PSAP: variants seen among roughly 807,000 people sequenced by gnomAD.
PSAP encodes the protein prosaposin, also known as precursor of saposins.
A neutral mutation model predicts 66.0 loss-of-function variants in PSAP; 25 were observed. The observed-to-expected ratio is 0.38, with a 90% confidence interval of 0.28 to 0.53. PSAP has a LOEUF of 0.53. Ranked by LOEUF, PSAP falls within the 20% of genes least tolerant of loss-of-function variation. The pLI is 0.83. For synonymous variants in PSAP, 273 were observed against 258.9 expected (o/e 1.05, Z -0.52); for missense variants, 649 against 668.8 (o/e 0.97, Z 0.33).
At chr10:71,818,991 A>AC in intron 12 of PSAP, 40 bp downstream of exon 12, 1 of 1,571,476 alleles carries the variant, frequency 6.4e-7, no homozygotes, top group Non-Finnish European at 8.8e-7. Context: ...CCCCCAGGTT[A>AC]CAGCTGCCCG....
Position 71,831,890 on chromosome 10 carries a change from C to G in PSAP, c.205G>C (p.Val69Leu), listed in dbSNP as rs1290075693. The G allele has an allele frequency of 6.2e-7, 1 of 1,614,032 alleles. No individual in the cohort carries two copies. The highest frequency in any genetic ancestry group is 2.2e-5 in the East Asian group (1 of 44,884). Residue 69 changes from valine (V) to leucine (L), a missense_variant, in exon 3 of 14, where the codon GTT (valine) becomes CTT (leucine). Physicochemically the swap from Val to Leu is conservative, Grantham distance 32. Transcript: ENST00000394936. ...KSLPCDICKDVVTAAGDMLKD... is the reference protein window; with the variant it reads ...KSLPCDICKDLVTAAGDMLKD... ...AGCATATCACCAGCTGCGGTGACAA[C>G]GTCTTTGCATATGTCGCAGGGAAGG...
chr10:71,844,420 C>T (rs1231034100), intron 1 of PSAP, among the ~76,000 whole-genome samples: 1 of 152,212 alleles, frequency 6.6e-6, no homozygotes, highest in Non-Finnish European at 1.5e-5. Flanking sequence ...AATCCCAGCA[C>T]TTTGGGGGGC....
intron 1 of PSAP, among the ~76,000 whole-genome samples, chr10:71,846,456 G>T (rs1260856374): frequency 6.8e-6 from 1 of 147,666 alleles, no homozygotes; most frequent in Admixed American, 6.8e-5. Context: ...CAGGTGCGGC[G>T]ACTCACGCCT....
intron 1 of PSAP, among the ~76,000 whole-genome samples, chr10:71,844,465 A>G (rs1389281515): frequency 6.6e-6 from 1 of 152,182 alleles, no homozygotes; most frequent in East Asian, 1.9e-4. Context: ...CAGGAGTTTG[A>G]GACCAGCCTG....
chr10:71,838,207 T>C (rs1257541868), intron 1 of PSAP, among the ~76,000 whole-genome samples: 2 of 151,624 alleles, frequency 1.3e-5, no homozygotes, highest in Non-Finnish European at 2.9e-5. Flanking sequence ...TAACACAGAG[T>C]CCAAGAGAAC....
rs578147125 is a variant in PSAP at position 71,828,798 on chromosome 10, C to G, written c.576+79G>C. The G allele has an allele frequency of 2.0e-6, 3 of 1,504,870 alleles. No homozygotes were observed. In the Admixed American group the frequency reaches 5.4e-5, roughly 27 times the overall value. The allele number at this position is 1,504,870 out of a possible 1,614,324, so 93.2% of individuals were successfully genotyped here. On this transcript the variant is annotated intron_variant, in intron 5 of 13. Coordinates refer to ENST00000394936, the MANE Select transcript of PSAP (RefSeq NM_002778.4). ...GATAAGCCCCAGTTTAAGAACCACA[C>G]GTGCCCTCTCTGTCCCTTTGGTCTC...
chr10:71,851,086 A>T, intron 1 of PSAP, 96 bp downstream of exon 1: 1 of 1,400,746 alleles, frequency 7.1e-7, no homozygotes, highest in Non-Finnish European at 9.9e-7. Context: ...CAACTAGGGC[A>T]GGGGGAGCAG....
chr10:71,825,294 G>GC (rs2133039744), intron 7 of PSAP, among the ~76,000 whole-genome samples: 1 of 152,334 alleles, frequency 6.6e-6, no homozygotes. Flanking sequence ...AGGCCGCCCT[G>GC]CTCTGCGTGG....
rs80071598 is a variant in PSAP, at chr10:71,828,213, C to T, written c.577-56G>A. 7.1e-3 allele frequency: 11,298 copies of T among 1,592,888 alleles called. 719 individuals are homozygous for T. The African/African-American group carries it at 0.13, about 19-fold the overall frequency. The stretch of plus-strand genomic sequence containing the variant: ...AAGAGGACTCAAATTCCTAGGAAAA[C>T]GTCCTTATATACTCAGGGCTGCAGC... On this transcript the variant is annotated intron_variant, in intron 5 of 13. Transcript: ENST00000394936.
In PSAP at chr10:71,819,062, A is replaced by G. The variant is rs1842236904; in HGVS notation, c.1400T>C (p.Val467Ala). The G allele has an allele frequency of 3.7e-6, 6 of 1,614,172 alleles. No individual in the cohort carries two copies. Among genetic ancestry groups the G allele is most frequent in the Non-Finnish European group, 5.1e-6 (6 of 1,180,024 alleles). Reference protein sequence around the residue: ...EYEPVLIEILVEVMDPSFVCL... With the variant: ...EYEPVLIEILAEVMDPSFVCL... ...CACGAAGGAAGGATCCATCACCTCC[A>G]CCAGGATCTCGATCAGCACGGGCTC... The change falls in exon 12 of 14, where the codon GTG becomes GCG. Residue 467 changes from valine (V) to alanine (A), a missense_variant. Physicochemically the swap from Val to Ala is moderately conservative, Grantham distance 64. Coordinates refer to ENST00000394936, the MANE Select transcript of PSAP (RefSeq NM_002778.4).
chr10:71,821,573 G>A (rs1842301146), intron 8 of PSAP, among the ~76,000 whole-genome samples: 1 of 152,222 alleles, frequency 6.6e-6, no homozygotes, highest in Admixed American at 6.5e-5. Context: ...CATGTGAGAA[G>A]GTGAGGCTGA....
chr10:71,837,851 T>C (rs1376846174), intron 1 of PSAP, among the ~76,000 whole-genome samples: 5 of 152,212 alleles, frequency 3.3e-5, no homozygotes, highest in African/African-American at 1.2e-4. Flanking sequence ...AGTCCAGTTC[T>C]CTGTGGGGAA....
intron 2 of PSAP, among the ~76,000 whole-genome samples, chr10:71,833,318 G>C (rs931747070): frequency 2.0e-5 from 3 of 152,084 alleles, no homozygotes; most frequent in Non-Finnish European, 2.9e-5. Context: ...AATTAGCCAG[G>C]CATACTGGTC....
At chr10:71,846,194 A>G (rs1842819278) in intron 1 of PSAP, among the ~76,000 whole-genome samples, 1 of 152,220 alleles carries the variant, frequency 6.6e-6, no homozygotes, top group Admixed American at 6.5e-5. Context: ...AAATGATGAA[A>G]TACGGGAGAG....
rs41307569 is a variant in PSAP, at chr10:71,821,844, C to A, written c.909+32G>T. On this transcript the variant is annotated intron_variant, in intron 8 of 13. Coordinates refer to ENST00000394936, the MANE Select transcript of PSAP (RefSeq NM_002778.4). ...CAGGGAGTAGTGTGGCATTGCACAG[C>A]CCTGACCAGGACACAAAGTGACACC... The A allele has an allele frequency of 0.075, 120,314 of 1,613,710 alleles. 5,013 individuals are homozygous for A. Among genetic ancestry groups the A allele is most frequent in the South Asian group, 0.092 (8,412 of 91,056 alleles).
Position 71,828,060 on chromosome 10 carries a change from T to C in PSAP, c.674A>G (p.His225Arg), listed in dbSNP as rs750500689. 4 of 1,614,190 alleles carry C rather than the reference T, an allele frequency of 2.5e-6. No individual in the cohort carries two copies. The highest frequency in any genetic ancestry group is 3.4e-6 in the Non-Finnish European group (4 of 1,180,036). Residue 225 changes from histidine to arginine, a missense_variant, in exon 6 of 14, where the codon CAT (histidine) becomes CGT (arginine). Coordinates refer to ENST00000394936, the MANE Select transcript of PSAP (RefSeq NM_002778.4). ...CAGGCGGTCACACTCCTCCTTGACA[T>C]GTTCCACCAAGGCCTGGACAAAGGT... ...NSTFVQALVE[H>R]VKEECDRLGP...
chr10:71,823,924 AG>A, intron 7 of PSAP: 1 of 1,292,642 alleles, frequency 7.7e-7, no homozygotes, highest in Non-Finnish European at 1.0e-6. Context: ...AGGAAATCGG[AG>A]GTGAAAATAA....
At chr10:71,818,550 G>A (rs1275811821) in intron 13 of PSAP, 67 bp downstream of exon 13, 1 of 1,338,818 alleles carries the variant, frequency 7.5e-7, no homozygotes, top group African/African-American at 1.4e-5. Flanking sequence ...TCCCATTAAA[G>A]CAGGATTCTC....
chr10:71,819,455 C>T lies in PSAP; in HGVS notation c.1350+10G>A, dbSNP rs542537706. 5.6e-6 allele frequency: 9 copies of T among 1,613,976 alleles called. No individual in the cohort carries two copies. Among genetic ancestry groups the T allele is most frequent in the African/African-American group, 5.3e-5 (4 of 75,060 alleles). On this transcript the variant is annotated intron_variant, in intron 11 of 13. Transcript: ENST00000394936. ...CATGCTGGCCTACCGCAGCCCAGCC[C>T]GGGGCGTACCTGCTTCTGGTAAGGG...
Sources: gnomAD v4.1 joint callset for allele counts (sites outside exome capture counted in the v4.1 genomes callset) on GRCh38, gnomAD v4.1.1 for gene constraint, MANE v1.5 for transcripts, NCBI Gene and HGNC (gene_info 2026-07-23, HGNC 2026-07-21) for gene names.